PGAP1: variants seen among roughly 807,000 people sequenced by gnomAD.
The protein encoded by PGAP1 is post-GPI attachment to proteins inositol deacylase 1.
Under a neutral mutation model 127.0 loss-of-function variants are expected in PGAP1, and 76 were observed. The observed-to-expected ratio is 0.60, with a 90% CI of 0.50 to 0.72. The LOEUF is 0.72. Ranked by LOEUF, PGAP1 falls within the 30% of genes least tolerant of loss-of-function variation. PGAP1 has a pLI of 0.00. For synonymous variants in PGAP1, 362 were observed against 366.5 expected, an observed-to-expected ratio of 0.99 and a Z score of 0.14; for missense variants, 982 against 1,071.3, an observed-to-expected ratio of 0.92 and a Z score of 1.16.
At chr2:196,883,719 T>G (rs1384518472) in intron 12 of PGAP1, among the ~76,000 whole-genome samples, 2 of 152,192 alleles carry the variant, frequency 1.3e-5, no homozygotes, top group Admixed American at 6.5e-5. Context: ...TTACTTTTAT[T>G]GAGATATTAA....
At position 196,912,989 on chromosome 2, in the gene PGAP1, C is replaced by T; in HGVS notation, c.542G>A (p.Arg181Lys). 6.2e-7 allele frequency: 1 copy of T among 1,613,870 alleles called. No individual in the cohort carries two copies. Residue 181 changes from arginine (R) to lysine (K), a missense_variant, in exon 4 of 27, where the codon AGA becomes AAA. Transcript: ENST00000354764. ...AAAATTTTTCAGTGTAAGCAATGCT[C>T]TTGCAACAAGGCCACCCATAGAATG... ...IGHSMGGLVA[R>K]ALLTLKNFKH...
chr2:196,890,274 T>C (rs1049327134), intron 10 of PGAP1, among the ~76,000 whole-genome samples: 4 of 152,136 alleles, frequency 2.6e-5, no homozygotes, highest in Admixed American at 2.6e-4. Flanking sequence ...CTACAGCATT[T>C]TTAAACAACA....
rs545099139 is a variant in PGAP1 at position 196,866,611 on chromosome 2, A to G, written c.1768-1531T>C. Reference sequence around the variant, plus strand: ...AAAAGCAGTGGCAACAAAAGCCAAAATTGGCAAATGGGATCTAATTAAACT... The same window carrying G: ...AAAAGCAGTGGCAACAAAAGCCAAAGTTGGCAAATGGGATCTAATTAAACT... On this transcript the variant is annotated intron_variant, in intron 19 of 26. Transcript: ENST00000354764. Among the ~76,000 whole-genome samples, 6 of 152,348 alleles carry G rather than the reference A, an allele frequency of 3.9e-5. No individual in the cohort carries two copies. In the East Asian group the frequency reaches 1.2e-3, roughly 29 times the overall value.
chr2:196,872,204 A>AT lies in PGAP1; in HGVS notation c.1728+236dup, dbSNP rs199509470. On this transcript the variant is annotated intron_variant, in intron 18 of 26. Coordinates refer to ENST00000354764, the MANE Select transcript of PGAP1 (RefSeq NM_024989.4). ...ATTTAGAAGGTTAATCTACAGTCTC[A>AT]TTTTTTTGCTTTATCTTCTATTACT... Among the ~76,000 whole-genome samples, 4 of 152,050 alleles carry AT rather than the reference A, an allele frequency of 2.6e-5. No homozygotes were observed. The East Asian group carries it at 7.7e-4, about 29-fold the overall frequency.
At chr2:196,900,799 C>G (rs977902069) in intron 5 of PGAP1, among the ~76,000 whole-genome samples, 1 of 151,998 alleles carries the variant, frequency 6.6e-6, no homozygotes, top group African/African-American at 2.4e-5. Context: ...TGGTGGCGGA[C>G]GCCTGTAGTC....
chr2:196,877,163 A>G (rs987035009), intron 13 of PGAP1, among the ~76,000 whole-genome samples: 3 of 152,068 alleles, frequency 2.0e-5, no homozygotes, highest in Non-Finnish European at 4.4e-5. Context: ...GAAAATTCAA[A>G]GGCCTGTCTC....
chr2:196,887,659 C>A (rs1018125354), intron 10 of PGAP1, among the ~76,000 whole-genome samples: 1 of 152,116 alleles, frequency 6.6e-6, no homozygotes, highest in African/African-American at 2.4e-5. Context: ...ATATACTAAG[C>A]CCTCAGGGAA....
intron 22 of PGAP1, among the ~76,000 whole-genome samples, 162 bp downstream of exon 22, chr2:196,846,838 GATT>G (rs1317368531): frequency 6.6e-6 from 1 of 152,112 alleles, no homozygotes; most frequent in Admixed American, 6.5e-5. Context: ...CTTAATAAAT[GATT>G]AGCTTTCACA....
rs116413189 is a variant in PGAP1, at chr2:196,847,639, C to T, written c.1952+308G>A. 339 of 210,170 alleles carry T rather than the reference C, an allele frequency of 1.6e-3. 2 individuals are homozygous for T. The highest frequency in any genetic ancestry group is 7.4e-3 in the African/African-American group (318 of 42,918). The allele number at this position is 210,170 out of a possible 1,614,324, so 13.0% of individuals were successfully genotyped here. ...AGAGAGGCACTGTTTCATCAATACCCTGTAATGATTTGCGTTTGAATCTAG... is the reference window on the plus strand; with the variant it reads ...AGAGAGGCACTGTTTCATCAATACCTTGTAATGATTTGCGTTTGAATCTAG... On this transcript the variant is annotated intron_variant, in intron 21 of 26. Transcript: ENST00000354764.
intron 2 of PGAP1, among the ~76,000 whole-genome samples, chr2:196,916,945 T>G (rs939935662): frequency 1.3e-5 from 2 of 152,216 alleles, no homozygotes; most frequent in African/African-American, 4.8e-5. Context: ...TTTTTAAGAA[T>G]GACAAGGTTC....
rs567801602 is a variant in PGAP1 at position 196,924,245 on chromosome 2, T to TA, written c.147+2224dup. Among the ~76,000 whole-genome samples the TA allele has an allele frequency of 6.7e-3, 1,005 of 150,600 alleles. 6 individuals are homozygous for TA. The highest frequency in any genetic ancestry group is 0.023 in the African/African-American group (938 of 41,052). Reference sequence around the variant, plus strand: ...AACTAAAGAAGATGCAAATGAGCAGTAAAAAAAAAGAAAGGCATCAAAAGA... The same window carrying TA: ...AACTAAAGAAGATGCAAATGAGCAGTAAAAAAAAAAGAAAGGCATCAAAAGA... On this transcript the variant is annotated intron_variant, in intron 1 of 26. Transcript: ENST00000354764.
intron 3 of PGAP1, among the ~76,000 whole-genome samples, chr2:196,914,164 C>T (rs1051261483): frequency 6.6e-6 from 1 of 152,142 alleles, no homozygotes; most frequent in Non-Finnish European, 1.5e-5. Context: ...TCTAGCAATC[C>T]TTCTCATTTT....
intron 20 of PGAP1, among the ~76,000 whole-genome samples, chr2:196,849,981 C>T (rs995293396): frequency 6.6e-5 from 10 of 152,180 alleles, no homozygotes; most frequent in Non-Finnish European, 1.5e-4. Context: ...CTTTTATAGA[C>T]TGGCTTCTAG....
chr2:196,925,271 G>T (rs369426654), intron 1 of PGAP1, among the ~76,000 whole-genome samples: 59 of 152,124 alleles, frequency 3.9e-4, no homozygotes, highest in African/African-American at 1.3e-3. Context: ...GTAGTCTTAA[G>T]ATCAAAATAA....
intron 18 of PGAP1, among the ~76,000 whole-genome samples, chr2:196,871,375 A>G (rs1342691437): frequency 6.6e-6 from 1 of 152,178 alleles, no homozygotes; most frequent in Non-Finnish European, 1.5e-5. Context: ...ATAATTAGGA[A>G]GTCTATTTGA....
intron 20 of PGAP1, among the ~76,000 whole-genome samples, chr2:196,862,597 C>T (rs757923672): frequency 3.3e-5 from 5 of 152,164 alleles, no homozygotes; most frequent in Admixed American, 6.5e-5. Flanking sequence ...TGGGGCATCA[C>T]GGAACCTACC....
Position 196,847,136 on chromosome 2 carries a change from T to C in PGAP1, c.2017A>G (p.Thr673Ala). ...LLPELDAVIL[T>A]CQSMCFPLIS... ...AGGGGGAAACACATACTCTGACAAG[T>C]TAAAATGACGGCATCTAATTCTGGT... Residue 673 changes from threonine to alanine, a missense_variant, in exon 22 of 27, where the codon ACT becomes GCT. By Grantham distance (58) the Thr-to-Ala change is moderately conservative. Transcript: ENST00000354764. 2 of 1,613,280 alleles carry C rather than the reference T, an allele frequency of 1.2e-6. No individual in the cohort carries two copies. Among genetic ancestry groups the C allele is most frequent in the Non-Finnish European group, 1.7e-6 (2 of 1,179,500 alleles).
Position 196,840,289 on chromosome 2 carries a change from A to ATGT in PGAP1, c.*942_*944dup, listed in dbSNP as rs565253899. On this transcript the variant is annotated 3_prime_UTR_variant, in exon 27 of 27. Coordinates refer to ENST00000354764, the MANE Select transcript of PGAP1 (RefSeq NM_024989.4). ...CATCAAATGTGATGTTACCTTGATCATGTTGTTGTTGTTGTTTTTTCCCAC... is the reference window on the plus strand; with the variant it reads ...CATCAAATGTGATGTTACCTTGATCATGTTGTTGTTGTTGTTGTTTTTTCCCAC... 2 of 152,120 alleles carry ATGT rather than the reference A, an allele frequency of 1.3e-5. No individual in the cohort carries two copies. Among genetic ancestry groups the ATGT allele is most frequent in the Non-Finnish European group, 2.9e-5 (2 of 68,008 alleles). The allele number at this position is 152,120 out of a possible 1,614,324, so 9.4% of individuals were successfully genotyped here. A position where few individuals can be genotyped will look rare whatever the true frequency, so the allele number is the denominator to read the frequency against.
intron 10 of PGAP1, among the ~76,000 whole-genome samples, 170 bp downstream of exon 10, chr2:196,890,657 TA>T (rs907633967): frequency 3.3e-5 from 5 of 150,172 alleles, no homozygotes; most frequent in South Asian, 2.1e-4. Context: ...GTATCTGTGA[TA>T]AAAAAAAAAT....
Sources: allele counts gnomAD v4.1 joint callset (sites outside exome capture counted in the v4.1 genomes callset), GRCh38; gene constraint gnomAD v4.1.1; transcripts MANE v1.5; gene names NCBI Gene and HGNC (gene_info 2026-07-23, HGNC 2026-07-21).